Variants in ADAMTSL1 observed in about 807,000 individuals in gnomAD.
ADAMTSL1 encodes the protein ADAMTS like 1, also known as ADAMTS-like protein 1.
In ADAMTSL1, 126 loss-of-function variants were observed where a neutral mutation model predicts 201.8. The observed-to-expected ratio is 0.62, with a 90% confidence interval of 0.54 to 0.72. The LOEUF (loss-of-function observed/expected upper bound fraction) is 0.72, where lower values mean the gene tolerates loss of function less well. Among genes scored for constraint, ADAMTSL1 ranks in the 30% least tolerant of loss-of-function variants. ADAMTSL1 has a pLI of 0.00. For synonymous variants in ADAMTSL1, 1,121 were observed against 903.4 expected, an observed-to-expected ratio of 1.24 and a Z score of -4.32; for missense variants, 2,679 against 2,277.8, an observed-to-expected ratio of 1.18 and a Z score of -3.59.
At chr9:18,182,002 A>G (rs1308185008) in intron 2 of ADAMTSL1, among the ~76,000 whole-genome samples, 1 of 152,092 alleles carries the variant, frequency 6.6e-6, no homozygotes, top group African/African-American at 2.4e-5. Flanking sequence ...CATGGATGAA[A>G]TTGGAAATCA....
At chr9:18,888,313 G>A (rs568697266) in intron 24 of ADAMTSL1, among the ~76,000 whole-genome samples, 1 of 152,230 alleles carries the variant, frequency 6.6e-6, no homozygotes, top group South Asian at 2.1e-4. Flanking sequence ...CTGTTGCTCA[G>A]GACCATGGAA....
At chr9:18,105,389 A>C (rs957009610) in intron 1 of ADAMTSL1, among the ~76,000 whole-genome samples, 2 of 152,218 alleles carry the variant, frequency 1.3e-5, no homozygotes, top group African/African-American at 4.8e-5. Context: ...ACACTTGCCC[A>C]ACCAACGACC....
chr9:18,783,154 C>T (rs1189254973), intron 19 of ADAMTSL1, among the ~76,000 whole-genome samples: 1 of 152,152 alleles, frequency 6.6e-6, no homozygotes, highest in Non-Finnish European at 1.5e-5. Flanking sequence ...CTTTACTGGG[C>T]ATTAGATACA....
intron 4 of ADAMTSL1, among the ~76,000 whole-genome samples, chr9:18,607,884 A>G (rs773166499): frequency 2.6e-5 from 4 of 152,118 alleles, no homozygotes; most frequent in Admixed American, 6.6e-5. Flanking sequence ...AGCTTCATCC[A>G]TGTCCCTACA....
Position 18,826,356 on chromosome 9 carries a change from G to T in ADAMTSL1, c.4007G>T (p.Gly1336Val). The T allele has an allele frequency of 6.2e-7, 1 of 1,613,550 alleles. No homozygotes were observed. Among genetic ancestry groups the T allele is most frequent in the Non-Finnish European group, 8.5e-7 (1 of 1,179,800 alleles). The change falls in exon 22 of 29, where the codon GGC becomes GTC. Residue 1336 changes from glycine (G) to valine (V), a missense_variant. Gly to Val is a moderately radical substitution (Grantham distance 109). Transcript: ENST00000380548. ...GGCTCCCCGCACCATCTGCACGAAG[G>T]CTCCTTGCTGCTCACAAACGTGTCC... Reference protein sequence around the residue: ...KLGSPHHLHEGSLLLTNVSSS... With the variant: ...KLGSPHHLHEVSLLLTNVSSS...
chr9:18,197,664 C>G (rs1422188677), intron 2 of ADAMTSL1, among the ~76,000 whole-genome samples: 4 of 149,502 alleles, frequency 2.7e-5, no homozygotes, highest in Non-Finnish European at 5.9e-5. Context: ...AATTGAATAC[C>G]CTTTATTTCC....
intron 1 of ADAMTSL1, among the ~76,000 whole-genome samples, chr9:18,477,547 C>T (rs539366940): frequency 3.9e-5 from 6 of 152,194 alleles, no homozygotes; most frequent in Admixed American, 1.3e-4. Flanking sequence ...TACAGGAGAC[C>T]GCGGCCTGTT....
At chr9:18,598,632 G>A (rs771825497) in intron 4 of ADAMTSL1, among the ~76,000 whole-genome samples, 3 of 151,912 alleles carry the variant, frequency 2.0e-5, no homozygotes, top group Non-Finnish European at 4.4e-5. Context: ...AAATCAAGTG[G>A]GAAACTTCAC....
At chr9:18,149,090 G>A (rs1826787088) in intron 1 of ADAMTSL1, among the ~76,000 whole-genome samples, 2 of 152,042 alleles carry the variant, frequency 1.3e-5, no homozygotes, top group African/African-American at 4.8e-5. Flanking sequence ...ATAGATGATT[G>A]ATTCCCCAAA....
chr9:18,340,137 TG>T (rs1835411175), intron 2 of ADAMTSL1, among the ~76,000 whole-genome samples: 1 of 152,200 alleles, frequency 6.6e-6, no homozygotes, highest in South Asian at 2.1e-4. Flanking sequence ...ATGGGAAATC[TG>T]GGGCTTCCCC....
chr9:18,311,604 C>T (rs1166354075), intron 2 of ADAMTSL1, among the ~76,000 whole-genome samples: 1 of 152,056 alleles, frequency 6.6e-6, no homozygotes, highest in Non-Finnish European at 1.5e-5. Flanking sequence ...GAATTGGCCT[C>T]AAGTCTCAGG....
At position 18,334,174 on chromosome 9, in the gene ADAMTSL1, T is replaced by G. The variant is rs139598936; in HGVS notation, c.207+170193T>G. Among the ~76,000 whole-genome samples the G allele has an allele frequency of 8.7e-3, 1,320 of 152,154 alleles. 24 individuals are homozygous for G. The highest frequency in any genetic ancestry group is 0.03 in the African/African-American group (1,238 of 41,522). On this transcript the variant is annotated intron_variant, in intron 2 of 29. Transcript: ENST00000680146. ...GTAAGCATTTAATGAAAAAAAAATATGGAAAGGGAGAAGTGTGTGCCTAAA... is the reference window on the plus strand; with the variant it reads ...GTAAGCATTTAATGAAAAAAAAATAGGGAAAGGGAGAAGTGTGTGCCTAAA...
At chr9:18,897,424 T>C (rs987544049) in intron 26 of ADAMTSL1, among the ~76,000 whole-genome samples, 1 of 152,012 alleles carries the variant, frequency 6.6e-6, no homozygotes, top group Non-Finnish European at 1.5e-5. Context: ...GGGTGAGACC[T>C]CCCAACAGGG....
chr9:18,182,285 T>TA (rs1266490259), intron 2 of ADAMTSL1, among the ~76,000 whole-genome samples: 2,190 of 124,150 alleles, frequency 0.018, 17 homozygotes, highest in Non-Finnish European at 0.023. Flanking sequence ...ACTTAAAGTA[T>TA]AAAAAAAAAA....
chr9:18,626,904 TTTC>T (rs1454628809), intron 5 of ADAMTSL1, among the ~76,000 whole-genome samples: 3 of 151,226 alleles, frequency 2.0e-5, no homozygotes, highest in South Asian at 2.1e-4. Context: ...CCTTCCTTTC[TTTC>T]TTTTCTTTTT....
intron 2 of ADAMTSL1, among the ~76,000 whole-genome samples, chr9:18,180,689 T>C (rs937342437): frequency 1.3e-5 from 2 of 151,986 alleles, no homozygotes; most frequent in Non-Finnish European, 2.9e-5. Context: ...AGAATCAATA[T>C]CATGAAAATG....
intron 4 of ADAMTSL1, among the ~76,000 whole-genome samples, chr9:18,583,618 C>T (rs1462316311): frequency 1.3e-5 from 2 of 152,176 alleles, no homozygotes; most frequent in African/African-American, 4.8e-5. Context: ...CCACTGACAG[C>T]TTGCACTGTG....
Position 18,854,244 on chromosome 9 carries a change from A to T in ADAMTSL1, c.4249+24267A>T, listed in dbSNP as rs555677589. Among the ~76,000 whole-genome samples, 15 of 152,274 alleles carry T rather than the reference A, an allele frequency of 9.9e-5. No homozygotes were observed. The East Asian group carries it at 2.7e-3, about 27-fold the overall frequency. ...CCCTAACACACATATGCACGCACAC[A>T]CACACACACCCCTTCCTCTCCTTAT... On this transcript the variant is annotated intron_variant, in intron 23 of 28. Transcript: ENST00000380548.
chr9:18,602,751 T>C (rs1300515340), intron 4 of ADAMTSL1, among the ~76,000 whole-genome samples: 1 of 152,200 alleles, frequency 6.6e-6, no homozygotes, highest in Non-Finnish European at 1.5e-5. Context: ...AAGGAATACA[T>C]TTCTGTAGGT....
Sources: gnomAD v4.1 joint callset for allele counts (sites outside exome capture counted in the v4.1 genomes callset) on GRCh38, gnomAD v4.1.1 for gene constraint, MANE v1.5 for transcripts, NCBI Gene and HGNC (gene_info 2026-07-23, HGNC 2026-07-21) for gene names.